Variants in PLCB1 observed in about 807,000 individuals in gnomAD.
The protein encoded by PLCB1 is phospholipase C beta 1, also known as 1-phosphatidylinositol 4,5-bisphosphate phosphodiesterase beta-1.
PLCB1 carries 46 observed loss-of-function variants against 161.8 expected under a neutral mutation model. The observed-to-expected ratio is 0.28, with a 90% CI of 0.22 to 0.36. The LOEUF is 0.36. Ranked by LOEUF, PLCB1 falls within the 10% of genes least tolerant of loss-of-function variation. PLCB1 has a pLI of 1.00. For synonymous variants in PLCB1, 517 were observed against 503.7 expected (o/e 1.03, Z -0.35); for missense variants, 1,016 against 1,472.5 (o/e 0.69, Z 5.07).
intron 31 of PLCB1, among the ~76,000 whole-genome samples, chr20:8,856,018 A>G (rs1987054091): frequency 6.6e-6 from 1 of 152,164 alleles, no homozygotes; most frequent in African/African-American, 2.4e-5. Context: ...AATATAATAC[A>G]CACCCATATA....
chr20:8,740,370 G>T lies in PLCB1; in HGVS notation c.2335G>T (p.Glu779Ter), dbSNP rs1466818299. ...CTATCACTATATCTGTCTAAGGAAT[G>T]AAAGGAACCAGCCTCTGACGCTGCC... ...PGYHYICLRN[E>*]RNQPLTLPAV... Residue 779 changes from glutamate (E) to a stop codon, truncating the protein, a stop_gained, in exon 22 of 32, where the codon GAA becomes TAA. Coordinates refer to ENST00000338037, the MANE Select transcript of PLCB1 (RefSeq NM_015192.4). LOFTEE classifies it high-confidence loss of function. 6.2e-7 allele frequency: 1 copy of T among 1,608,394 alleles called. No homozygotes were observed. Among genetic ancestry groups the T allele is most frequent in the Non-Finnish European group, 8.5e-7 (1 of 1,177,120 alleles).
intron 2 of PLCB1, among the ~76,000 whole-genome samples, chr20:8,160,946 A>G (rs2051615386): frequency 6.6e-6 from 1 of 152,176 alleles, no homozygotes; most frequent in African/African-American, 2.4e-5. Flanking sequence ...CAACTGACTT[A>G]TTAGGACGTT....
At chr20:8,152,840 G>C (rs2051523140) in intron 2 of PLCB1, among the ~76,000 whole-genome samples, 1 of 152,134 alleles carries the variant, frequency 6.6e-6, no homozygotes, top group Non-Finnish European at 1.5e-5. Context: ...TCTGCTCAGA[G>C]GTGAGCAGAA....
intron 16 of PLCB1, among the ~76,000 whole-genome samples, chr20:8,725,836 A>G (rs2123484747): frequency 6.6e-6 from 1 of 152,310 alleles, no homozygotes; most frequent in South Asian, 2.1e-4. Context: ...CCTGGAAACA[A>G]CAGCACCAGC....
intron 2 of PLCB1, among the ~76,000 whole-genome samples, chr20:8,268,206 A>C (rs1982081449): frequency 6.6e-6 from 1 of 152,042 alleles, no homozygotes; most frequent in Admixed American, 6.5e-5. Flanking sequence ...TATAAGTGAG[A>C]ACATGCGGTG....
At position 8,734,410 on chromosome 20, in the gene PLCB1, G is replaced by A. The variant is rs1980474477; in HGVS notation, c.2043+1018G>A. On this transcript the variant is annotated intron_variant, in intron 19 of 31. Transcript: ENST00000338037. ...ACATTCCCTCAATAAATTATCAAATGTTAAACAAAAGCTTTCAAATTACTT... is the reference window on the plus strand; with the variant it reads ...ACATTCCCTCAATAAATTATCAAATATTAAACAAAAGCTTTCAAATTACTT... 2.0e-5 allele frequency among the ~76,000 whole-genome samples: 3 copies of A among 151,840 alleles called. No individual in the cohort carries two copies. In the South Asian group the frequency reaches 6.2e-4, roughly 32 times the overall value.
chr20:8,517,288 A>G (rs1984170765), intron 3 of PLCB1, among the ~76,000 whole-genome samples: 1 of 152,164 alleles, frequency 6.6e-6, no homozygotes, highest in African/African-American at 2.4e-5. Context: ...AAGATATGAA[A>G]CAACAGTAGT....
chr20:8,736,331 A>C (rs1035012100), intron 19 of PLCB1, among the ~76,000 whole-genome samples: 1 of 152,226 alleles, frequency 6.6e-6, no homozygotes, highest in African/African-American at 2.4e-5. Context: ...TAAGTCTATA[A>C]TATCCATTAG....
chr20:8,736,480 A>C (rs1980591631), intron 19 of PLCB1, among the ~76,000 whole-genome samples: 1 of 152,048 alleles, frequency 6.6e-6, no homozygotes, highest in South Asian at 2.1e-4. Context: ...TTCTAACCTC[A>C]CCATTTTCAA....
chr20:8,573,729 A>G (rs1986594310), intron 3 of PLCB1, among the ~76,000 whole-genome samples: 2 of 152,204 alleles, frequency 1.3e-5, no homozygotes, highest in African/African-American at 4.8e-5. Context: ...CCAAAGGCAT[A>G]AAGAGCTTTT....
chr20:8,668,804 C>G (rs1176209179), intron 9 of PLCB1, among the ~76,000 whole-genome samples: 1 of 152,170 alleles, frequency 6.6e-6, no homozygotes, highest in African/African-American at 2.4e-5. Context: ...CCAGTACAGT[C>G]TGCTATGATA....
chr20:8,507,658 A>G (rs1983692436), intron 3 of PLCB1, among the ~76,000 whole-genome samples: 1 of 152,212 alleles, frequency 6.6e-6, no homozygotes, highest in Admixed American at 6.5e-5. Flanking sequence ...ATAAAAATTT[A>G]CAACAAGGAA....
In PLCB1 at chr20:8,132,784, G is replaced by A; in HGVS notation, c.99+34G>A. On this transcript the variant is annotated intron_variant, in intron 1 of 31. Coordinates refer to ENST00000338037, the MANE Select transcript of PLCB1 (RefSeq NM_015192.4). This position sits in a 1 kb window ranked among gnomAD's most constrained non-coding sequence, Gnocchi z 5.2. ...TGGGGCGGCCCGAGTCGGGGCGCTG[G>A]CTCGGGCACCGGGCAGGGCGGGCGT... The A allele has an allele frequency of 1.3e-6, 2 of 1,499,820 alleles. No individual in the cohort carries two copies. Among genetic ancestry groups the A allele is most frequent in the Non-Finnish European group, 1.9e-6 (2 of 1,080,118 alleles). 92.9% of individuals were successfully genotyped at this position (1,499,820 alleles called of 1,614,324 possible). A position where few individuals can be genotyped will look rare whatever the true frequency, so the allele number is the denominator to read the frequency against.
chr20:8,807,554 G>C (rs1385659711), intron 31 of PLCB1, among the ~76,000 whole-genome samples: 3 of 150,966 alleles, frequency 2.0e-5, no homozygotes, highest in African/African-American at 7.3e-5. Flanking sequence ...ACAATTAAAT[G>C]AATAGTGTTT....
At chr20:8,545,363 A>T (rs887441125) in intron 3 of PLCB1, among the ~76,000 whole-genome samples, 1 of 152,238 alleles carries the variant, frequency 6.6e-6, no homozygotes, top group African/African-American at 2.4e-5. Flanking sequence ...AAGGTTTTCC[A>T]TGCTAGCCTT....
intron 3 of PLCB1, among the ~76,000 whole-genome samples, chr20:8,573,046 C>T (rs565277622): frequency 8.6e-5 from 13 of 152,022 alleles, no homozygotes; most frequent in Admixed American, 3.9e-4. Context: ...CACAAAATGC[C>T]GTGGACCTGA....
intron 2 of PLCB1, among the ~76,000 whole-genome samples, chr20:8,161,903 C>T (rs1261938542): frequency 1.3e-5 from 2 of 151,978 alleles, no homozygotes; most frequent in Non-Finnish European, 2.9e-5. Flanking sequence ...GATGTGCTCA[C>T]TTTGCCTTTC....
At chr20:8,720,427 C>T (rs1286081430) in intron 14 of PLCB1, among the ~76,000 whole-genome samples, 5 of 152,232 alleles carry the variant, frequency 3.3e-5, no homozygotes, top group South Asian at 2.1e-4. Flanking sequence ...TAAAGAGCAC[C>T]GCTAATTTAC....
chr20:8,164,392 A>T (rs2051655979), intron 2 of PLCB1, among the ~76,000 whole-genome samples: 1 of 152,206 alleles, frequency 6.6e-6, no homozygotes, highest in African/African-American at 2.4e-5. Context: ...GCTGTCTCAT[A>T]CAGTAGCCTC....
Sources: allele counts gnomAD v4.1 joint callset (sites outside exome capture counted in the v4.1 genomes callset), GRCh38; gene constraint gnomAD v4.1.1; non-coding constraint Gnocchi (gnomAD v3.1); transcripts MANE v1.5; gene names NCBI Gene and HGNC (gene_info 2026-07-23, HGNC 2026-07-21).